The following GRHL2 variants were observed in gnomAD, a reference collection of about 807,000 sequenced individuals.
The protein encoded by GRHL2 is grainyhead-like protein 2 homolog.
GRHL2 carries 21 observed loss-of-function variants against 83.8 expected under a neutral mutation model. The ratio of observed to expected loss-of-function variants is 0.25; its 90% CI spans 0.18 to 0.36. The LOEUF (loss-of-function observed/expected upper bound fraction) is 0.36. Among genes scored for constraint, GRHL2 ranks in the 10% least tolerant of loss-of-function variants. The probability of loss-of-function intolerance (pLI) is 1.00; values close to 1 mark genes in which losing one functional copy is unlikely to be tolerated. For missense variants in GRHL2, 623 were observed against 781.8 expected (o/e 0.80, Z 2.42); for synonymous variants, 280 against 278.9 (o/e 1.00, Z -0.04).
intron 1 of GRHL2, among the ~76,000 whole-genome samples, chr8:101,494,424 C>T (rs183908339): frequency 1.3e-5 from 2 of 152,136 alleles, no homozygotes; most frequent in Non-Finnish European, 2.9e-5. Flanking sequence ...GAAGAACTAG[C>T]GTTACCAACA....
chr8:101,534,825 A>G (rs1811009340), intron 1 of GRHL2, among the ~76,000 whole-genome samples: 1 of 152,238 alleles, frequency 6.6e-6, no homozygotes, highest in African/African-American at 2.4e-5. Flanking sequence ...GTTTTCACCA[A>G]CAGAGACAGG....
chr8:101,526,886 C>A lies in GRHL2; in HGVS notation c.21-16355C>A, dbSNP rs148128217. On this transcript the variant is annotated intron_variant, in intron 1 of 15. Transcript: ENST00000646743. The stretch of plus-strand genomic sequence containing the variant: ...GTGTGAGGTTAATAAAATTAATATT[C>A]TATACTGCTTCATGAAGGACATTCT... Among the ~76,000 whole-genome samples, 478 of 152,250 alleles carry A rather than the reference C, an allele frequency of 3.1e-3. 3 individuals are homozygous for A. The highest frequency in any genetic ancestry group is 0.011 in the African/African-American group (453 of 41,542).
In GRHL2 at chr8:101,647,007, A is replaced by G. The variant is rs1022776462; in HGVS notation, c.1613-2407A>G. On this transcript the variant is annotated intron_variant, in intron 13 of 15. Coordinates refer to ENST00000646743, the MANE Select transcript of GRHL2 (RefSeq NM_024915.4). ...ACACTTTCCAGCCACACCTGAAGCA[A>G]GAAGAGCAGCCATATCATTTCAAAG... Among the ~76,000 whole-genome samples, 5 of 152,202 alleles carry G rather than the reference A, an allele frequency of 3.3e-5. No homozygotes were observed. The East Asian group carries it at 9.6e-4, about 29-fold the overall frequency.
the GRHL2 span, among the ~76,000 whole-genome samples, chr8:101,678,566 G>A: frequency 1.3e-5 from 2 of 151,954 alleles, no homozygotes; most frequent in African/African-American, 4.8e-5. Flanking sequence ...AGCTCGAACT[G>A]GGTGGAGCCC....
intron 1 of GRHL2, among the ~76,000 whole-genome samples, chr8:101,520,618 A>T (rs1810663485): frequency 6.6e-6 from 1 of 152,152 alleles, no homozygotes; most frequent in Non-Finnish European, 1.5e-5. Flanking sequence ...TTGAACAGAA[A>T]AGAGTTTGAT....
chr8:101,633,608 A>C (rs371303064), intron 11 of GRHL2, among the ~76,000 whole-genome samples: 1 of 152,222 alleles, frequency 6.6e-6, no homozygotes, highest in Non-Finnish European at 1.5e-5. Flanking sequence ...GTTTCTTAAA[A>C]CACATCAACA....
At chr8:101,563,424 G>A (rs765492418) in intron 4 of GRHL2, among the ~76,000 whole-genome samples, 4 of 152,006 alleles carry the variant, frequency 2.6e-5, no homozygotes, top group South Asian at 4.1e-4. Context: ...CTGGCTCTCT[G>A]CAAAGTTGCA....
intron 7 of GRHL2, among the ~76,000 whole-genome samples, chr8:101,582,659 C>CA (rs776177745): frequency 1.3e-5 from 2 of 152,172 alleles, no homozygotes; most frequent in Non-Finnish European, 2.9e-5. Context: ...TGGCAAACCT[C>CA]AGAGCTGCAG....
chr8:101,558,783 A>C lies in GRHL2; in HGVS notation c.649A>C (p.Ser217Arg). ...DQRSTPDSTYSESFKDAATEK... is the reference protein window; with the variant it reads ...DQRSTPDSTYRESFKDAATEK... ...GCGCAGCACTCCGGACAGCACATACAGCGAGAGCTTCAAGGACGCAGCCAC... is the reference window on the plus strand; with the variant it reads ...GCGCAGCACTCCGGACAGCACATACCGCGAGAGCTTCAAGGACGCAGCCAC... The change falls in exon 4 of 16, where the codon AGC becomes CGC. Residue 217 changes from serine to arginine, a missense_variant. Around this residue, in one of 8 missense-constraint regions of GRHL2, gnomAD observed 239 missense variants for 240.5 expected, o/e 0.99. Coordinates refer to ENST00000646743, the MANE Select transcript of GRHL2 (RefSeq NM_024915.4). 1 of 1,614,122 alleles carries C rather than the reference A, an allele frequency of 6.2e-7. No individual in the cohort carries two copies. The highest frequency in any genetic ancestry group is 8.5e-7 in the Non-Finnish European group (1 of 1,180,016).
At chr8:101,673,425 T>G (rs976708869), downstream of GRHL2, among the ~76,000 whole-genome samples, 3 of 151,534 alleles carry the variant, frequency 2.0e-5, no homozygotes, top group Non-Finnish European at 2.9e-5. Context: ...AAACAGACTT[T>G]AAACCAACAA....
At chr8:101,597,897 G>A (rs1205917329) in intron 7 of GRHL2, among the ~76,000 whole-genome samples, 4 of 152,064 alleles carry the variant, frequency 2.6e-5, no homozygotes, top group Non-Finnish European at 5.9e-5. Context: ...GAAAAGGTCT[G>A]TAGTCTGGAT....
At chr8:101,652,551 T>TGTGTGGTGTGTGTCTG (rs1563627541) in intron 14 of GRHL2, among the ~76,000 whole-genome samples, 1 of 97,614 alleles carries the variant, frequency 1.0e-5, no homozygotes, top group African/African-American at 4.5e-5. Flanking sequence ...GTGTGTGGTG[T>TGTGTGGTGTGTGTCTG]GTATGTGTGG....
intron 8 of GRHL2, among the ~76,000 whole-genome samples, chr8:101,603,173 C>G (rs1300490100): frequency 6.6e-6 from 1 of 151,392 alleles, no homozygotes; most frequent in Non-Finnish European, 1.5e-5. Flanking sequence ...TTTTTTGCAC[C>G]AAGTTTTATA....
At chr8:101,630,884 C>T (rs956489234) in intron 9 of GRHL2, among the ~76,000 whole-genome samples, 10 of 152,010 alleles carry the variant, frequency 6.6e-5, no homozygotes, top group Admixed American at 2.6e-4. Flanking sequence ...AAAGATAGGG[C>T]ATCATTATAG....
At position 101,527,061 on chromosome 8, in the gene GRHL2, A is replaced by G. The variant is rs987740108; in HGVS notation, c.21-16180A>G. On this transcript the variant is annotated intron_variant, in intron 1 of 15. Transcript: ENST00000646743. ...AACTTTTGCCCAACATTAGTTTTAT[A>G]CCATTACTACAAATGTCAACAGAGG... Among the ~76,000 whole-genome samples the G allele has an allele frequency of 2.1e-4, 32 of 152,312 alleles. No homozygotes were observed. The East Asian group carries it at 2.1e-3, about 10-fold the overall frequency.
chr8:101,572,666 C>A (rs781377993), intron 5 of GRHL2, among the ~76,000 whole-genome samples: 4 of 151,914 alleles, frequency 2.6e-5, no homozygotes, highest in Non-Finnish European at 5.9e-5. Flanking sequence ...AGCCGTCCTG[C>A]AGTATAGCAG....
the GRHL2 span, among the ~76,000 whole-genome samples, chr8:101,679,290 G>C: frequency 1.6e-3 from 244 of 149,368 alleles, no homozygotes; most frequent in South Asian, 0.013. Context: ...AGAAGCCTCA[G>C]GAGCCAATGC....
At chr8:101,638,842 G>A (rs2154651) in intron 12 of GRHL2, among the ~76,000 whole-genome samples, 17,549 of 152,174 alleles carry the variant, frequency 0.12, 2,177 homozygotes, top group African/African-American at 0.32. Flanking sequence ...ACAATGTGGC[G>A]TCACAGAAAC....
At chr8:101,610,854 A>G (rs1297802736) in intron 8 of GRHL2, among the ~76,000 whole-genome samples, 2 of 150,930 alleles carry the variant, frequency 1.3e-5, no homozygotes, top group African/African-American at 2.5e-5. Context: ...GGGTTGGTGG[A>G]AGGAAAAGCA....
Sources: allele counts gnomAD v4.1 joint callset (sites outside exome capture counted in the v4.1 genomes callset), GRCh38; gene constraint gnomAD v4.1.1; regional missense constraint gnomAD v4.1.1; transcripts MANE v1.5; gene names NCBI Gene and HGNC (gene_info 2026-07-23, HGNC 2026-07-21).